The following DLGAP3 variants were observed in gnomAD, a reference collection of about 807,000 sequenced individuals.
DLGAP3 encodes DLG associated protein 3.
DLGAP3 carries 17 observed loss-of-function variants against 81.2 expected under a neutral mutation model. The observed-to-expected ratio is 0.21, with a 90% CI of 0.14 to 0.31. The LOEUF is 0.31. DLGAP3 is among the 10% of genes least tolerant of loss of function. The probability of loss-of-function intolerance (pLI) is 1.00; values close to 1 mark genes in which losing one functional copy is unlikely to be tolerated. For missense variants in DLGAP3, 1,124 were observed against 1,388.0 expected, an observed-to-expected ratio of 0.81 and a Z score of 3.02; for synonymous variants, 577 against 587.4, an observed-to-expected ratio of 0.98 and a Z score of 0.26.
chr1:34,867,413 G>C lies in DLGAP3; in HGVS notation c.2577+123C>G. Reference sequence around the variant, plus strand: ...ACAAGACTCACAGCTACCCCAGAAGGCATGCAGGCCTGGTCTCACCTCTGG... The same window carrying C: ...ACAAGACTCACAGCTACCCCAGAAGCCATGCAGGCCTGGTCTCACCTCTGG... On this transcript the variant is annotated intron_variant, in intron 10 of 11. Transcript: ENST00000373347. This position sits in a 1 kb window ranked among gnomAD's most constrained non-coding sequence, Gnocchi z 4.3. 9.4e-7 allele frequency: 1 copy of C among 1,063,720 alleles called. No homozygotes were observed. Among genetic ancestry groups the C allele is most frequent in the Non-Finnish European group, 1.5e-6 (1 of 682,456 alleles). The allele number at this position is 1,063,720 out of a possible 1,614,324, so 65.9% of individuals were successfully genotyped here. A position where few individuals can be genotyped will look rare whatever the true frequency, so the allele number is the denominator to read the frequency against.
intron 1 of DLGAP3, among the ~76,000 whole-genome samples, chr1:34,911,026 C>CCCA (rs1639632169): frequency 6.9e-6 from 1 of 144,740 alleles, no homozygotes; most frequent in East Asian, 2.0e-4. Flanking sequence ...TTATCCACCC[C>CCCA]CCCCCCACCA....
At chr1:34,874,928 C>T (rs749290024) in intron 8 of DLGAP3, among the ~76,000 whole-genome samples, 3 of 151,994 alleles carry the variant, frequency 2.0e-5, no homozygotes, top group Non-Finnish European at 4.4e-5. Context: ...CATCTAAGAG[C>T]CTAAACATAT....
At position 34,905,307 on chromosome 1, in the gene DLGAP3, C is replaced by T. The variant is rs765844167; in HGVS notation, c.77G>A (p.Gly26Asp). The T allele has an allele frequency of 1.9e-6, 3 of 1,563,904 alleles. No homozygotes were observed. The highest frequency in any genetic ancestry group is 1.9e-5 in the Admixed American group (1 of 52,430). ...RFADQQHMDV[G>D]PAARAPYLLG... ...CAGGTATGGGGCCCTGGCAGCAGGG[C>T]CCACGTCCATATGCTGTTGGTCAGC... Residue 26 changes from glycine to aspartate, a missense_variant, in exon 3 of 12, where the codon GGC becomes GAC. This residue lies in a region of DLGAP3 where 167 missense variants were observed against 172.1 expected (regional missense o/e 0.97). Transcript: ENST00000373347.
At chr1:34,919,316 G>A (rs1035720016) in intron 1 of DLGAP3, among the ~76,000 whole-genome samples, 13 of 152,198 alleles carry the variant, frequency 8.5e-5, no homozygotes, top group African/African-American at 3.1e-4. Flanking sequence ...GGGTGGGGCA[G>A]ACCCCCAACT....
Position 34,904,153 on chromosome 1 carries a change from T to C in DLGAP3, c.1107+124A>G. 1.6e-6 allele frequency: 2 copies of C among 1,221,802 alleles called. No homozygotes were observed. Among genetic ancestry groups the C allele is most frequent in the South Asian group, 2.4e-5 (2 of 81,746 alleles). The allele number at this position is 1,221,802 out of a possible 1,614,324, so 75.7% of individuals were successfully genotyped here. A position where few individuals can be genotyped will look rare whatever the true frequency, so the allele number is the denominator to read the frequency against. ...TGACCCAATGGGGCAGGGCAGAGCC[T>C]CCCTACACCCAGGCCCTCCATCACA... On this transcript the variant is annotated intron_variant, in intron 3 of 11. Coordinates refer to ENST00000373347, the MANE Select transcript of DLGAP3 (RefSeq NM_001080418.3). The surrounding 1 kb of genome is among the most constrained non-coding windows in gnomAD (Gnocchi z 8.1).
In DLGAP3 at chr1:34,867,076, G is replaced by T; in HGVS notation, c.2693C>A (p.Ala898Asp). 1 of 1,614,144 alleles carries T rather than the reference G, an allele frequency of 6.2e-7. No individual in the cohort carries two copies. The highest frequency in any genetic ancestry group is 1.3e-5 in the African/African-American group (1 of 75,054). Residue 898 changes from alanine (A) to aspartate (D), a missense_variant, in exon 11 of 12, where the codon GCC becomes GAC. By Grantham distance (126) the Ala-to-Asp change is moderately radical. Transcript: ENST00000373347. The surrounding 1 kb of genome is among the most constrained non-coding windows in gnomAD (Gnocchi z 4.3). ...LKFLELQQLKANSWKLLEPKE... is the reference protein window; with the variant it reads ...LKFLELQQLKDNSWKLLEPKE... ...AGGCTCCAGGAGTTTCCAGCTGTTG[G>T]CCTTGAGTTGCTGTAGCTCCAGGAA...
At chr1:34,924,089 A>T (rs1054345462) in intron 1 of DLGAP3, among the ~76,000 whole-genome samples, 1 of 152,156 alleles carries the variant, frequency 6.6e-6, no homozygotes, top group African/African-American at 2.4e-5. Flanking sequence ...CCCTGGGATG[A>T]CAAGGGAAGG....
At chr1:34,882,586 G>A (rs1386923326) in intron 8 of DLGAP3, among the ~76,000 whole-genome samples, 1 of 152,122 alleles carries the variant, frequency 6.6e-6, no homozygotes, top group Non-Finnish European at 1.5e-5. Context: ...AATCACAATA[G>A]CCACCACATT....
chr1:34,927,548 G>A (rs1569677291), intron 1 of DLGAP3, among the ~76,000 whole-genome samples: 2 of 152,306 alleles, frequency 1.3e-5, no homozygotes, highest in East Asian at 3.9e-4. Flanking sequence ...TGGCGGGTGG[G>A]AGATGCGGGG....
rs1639445367 is a variant in DLGAP3 at position 34,900,752 on chromosome 1, C to T, written c.1108-479G>A. On this transcript the variant is annotated intron_variant, in intron 3 of 11. Coordinates refer to ENST00000373347, the MANE Select transcript of DLGAP3 (RefSeq NM_001080418.3). The surrounding 1 kb of genome is among the most constrained non-coding windows in gnomAD (Gnocchi z 5.6). Reference sequence around the variant, plus strand: ...TTGCAGAAAGAGCTCTCCCACAGTCCAAACAGAGGCTGGATTGTGGAGGGC... The same window carrying T: ...TTGCAGAAAGAGCTCTCCCACAGTCTAAACAGAGGCTGGATTGTGGAGGGC... Among the ~76,000 whole-genome samples, 1 of 152,192 alleles carries T rather than the reference C, an allele frequency of 6.6e-6. No individual in the cohort carries two copies. The highest frequency in any genetic ancestry group is 1.5e-5 in the Non-Finnish European group (1 of 68,048).
chr1:34,865,825 G>A lies in DLGAP3; in HGVS notation c.*258C>T. On this transcript the variant is annotated 3_prime_UTR_variant, in exon 12 of 12. Coordinates refer to ENST00000373347, the MANE Select transcript of DLGAP3 (RefSeq NM_001080418.3). ...CCCATGGGGAGGAGGTGGGGACAAA[G>A]CGTCGGACCAGGTGGGCAGGGGATC... is the stretch of plus-strand genomic sequence containing the variant. The A allele has an allele frequency of 3.4e-6, 2 of 586,780 alleles. No individual in the cohort carries two copies. The highest frequency in any genetic ancestry group is 2.0e-5 in the African/African-American group (1 of 51,152). 36.3% of individuals were successfully genotyped at this position (586,780 alleles called of 1,614,324 possible).
chr1:34,873,723 GA>G lies in DLGAP3; in HGVS notation c.2001-4635del, dbSNP rs1207889203. 2.0e-5 allele frequency among the ~76,000 whole-genome samples: 3 copies of G among 152,100 alleles called. No individual in the cohort carries two copies. Among genetic ancestry groups the G allele is most frequent in the African/African-American group, 7.2e-5 (3 of 41,392 alleles). On this transcript the variant is annotated intron_variant, in intron 8 of 11. Coordinates refer to ENST00000373347, the MANE Select transcript of DLGAP3 (RefSeq NM_001080418.3). The surrounding 1 kb of genome is among the most constrained non-coding windows in gnomAD (Gnocchi z 4.2). Reference sequence around the variant, plus strand: ...TCCATCTGTTCTCCCACAGCGCTTTGAACAAAACTCTTTTATACTCCATATC... The same window carrying G: ...TCCATCTGTTCTCCCACAGCGCTTTGACAAAACTCTTTTATACTCCATATC...
At chr1:34,888,321 G>C (rs529285991) in intron 5 of DLGAP3, among the ~76,000 whole-genome samples, 3 of 152,318 alleles carry the variant, frequency 2.0e-5, no homozygotes, top group Admixed American at 6.5e-5. Context: ...AAGACCCAGA[G>C]AGGGCAGGTG....
chr1:34,875,480 T>G (rs1639037469), intron 8 of DLGAP3, among the ~76,000 whole-genome samples: 1 of 152,130 alleles, frequency 6.6e-6, no homozygotes, highest in African/African-American at 2.4e-5. Context: ...ATCCTGGTGG[T>G]TTTTGTTTCT....
chr1:34,869,439 A>G (rs1012297491), intron 8 of DLGAP3, among the ~76,000 whole-genome samples: 2 of 150,060 alleles, frequency 1.3e-5, no homozygotes, highest in Middle Eastern at 3.3e-3. Context: ...GGGAGGAGCC[A>G]GGGTGGTGGC....
chr1:34,905,012 C>T lies in DLGAP3; in HGVS notation c.372G>A (p.Gln124=), dbSNP rs1317266789. ...GTTGAACTGGCAACTGCTTTTCAAA[C>T]TGATCCAGGAGTGTAGGAGGCAGGC... is the stretch of plus-strand genomic sequence containing the variant. ...APRLPPTLLD[Q]FEKQLPVQQD... is the part of the protein sequence containing the mutation. Residue 124 remains glutamine (Q), a synonymous_variant, in exon 3 of 12, where the codon CAG becomes CAA. Coordinates refer to ENST00000373347, the MANE Select transcript of DLGAP3 (RefSeq NM_001080418.3). 4 of 1,611,546 alleles carry T rather than the reference C, an allele frequency of 2.5e-6. No individual in the cohort carries two copies. Among genetic ancestry groups the T allele is most frequent in the African/African-American group, 2.7e-5 (2 of 74,868 alleles).
rs1639703345 is a variant in DLGAP3 at position 34,915,529 on chromosome 1, A to T, written c.-134-8092T>A. ...CCTCTTGGTGTCCAGAGCTTGGGAC[A>T]GCCTCCTGGATTAGCACACTGTCCC... On this transcript the variant is annotated intron_variant, in intron 1 of 11. Transcript: ENST00000373347. 2.6e-5 allele frequency among the ~76,000 whole-genome samples: 4 copies of T among 152,180 alleles called. No individual in the cohort carries two copies. In the South Asian group the frequency reaches 6.2e-4, roughly 24 times the overall value.
chr1:34,903,547 G>A (rs901569860), intron 3 of DLGAP3, among the ~76,000 whole-genome samples: 7 of 152,198 alleles, frequency 4.6e-5, no homozygotes, highest in African/African-American at 1.7e-4. Flanking sequence ...TCCATAAAAA[G>A]TAGGAATCAG....
At position 34,885,655 on chromosome 1, in the gene DLGAP3, G is replaced by A. The variant is rs1336183452; in HGVS notation, c.1737C>T (p.Cys579=). The A allele has an allele frequency of 1.4e-6, 2 of 1,428,612 alleles. No individual in the cohort carries two copies. The highest frequency in any genetic ancestry group is 1.8e-6 in the Non-Finnish European group (2 of 1,099,796). The allele number at this position is 1,428,612 out of a possible 1,614,324, so 88.5% of individuals were successfully genotyped here. ...GGCCGTCCAGCCCGTCGGCGGAGCT[G>A]CAGCGCCGGGCGGGGCCCTCGGCCG... ...FTAAEGPARR[C]SSADGLDGPA... Residue 579 remains cysteine, a synonymous_variant, in exon 7 of 12, where the codon TGC becomes TGT. Coordinates refer to ENST00000373347, the MANE Select transcript of DLGAP3 (RefSeq NM_001080418.3).
Sources: gnomAD v4.1 joint callset for allele counts (sites outside exome capture counted in the v4.1 genomes callset) on GRCh38, gnomAD v4.1.1 for gene constraint, gnomAD v4.1.1 regional missense constraint, Gnocchi (gnomAD v3.1) non-coding constraint, MANE v1.5 for transcripts, NCBI Gene and HGNC (gene_info 2026-07-23, HGNC 2026-07-21) for gene names.